Variants in CENPP observed in about 807,000 individuals in gnomAD.
CENPP encodes centromere protein P.
In CENPP, 24 loss-of-function variants were observed where a neutral mutation model predicts 35.6. The observed-to-expected ratio is 0.67, with a 90% CI of 0.49 to 0.95. The LOEUF (loss-of-function observed/expected upper bound fraction) is 0.95, where lower values mean the gene tolerates loss of function less well. Ranked by LOEUF, CENPP falls within the 40% of genes least tolerant of loss-of-function variation. CENPP has a pLI of 0.00. For synonymous variants in CENPP, 120 were observed against 125.5 expected, an observed-to-expected ratio of 0.96 and a Z score of 0.29; for missense variants, 332 against 345.3, an observed-to-expected ratio of 0.96 and a Z score of 0.31.
chr9:92,549,865 C>A (rs958095155), intron 5 of CENPP, among the ~76,000 whole-genome samples: 1 of 152,128 alleles, frequency 6.6e-6, no homozygotes, highest in Non-Finnish European at 1.5e-5. Context: ...TGTTCAGGAG[C>A]CAGGCTTAGT....
At chr9:92,363,815 T>G (rs1841821292) in intron 4 of CENPP, among the ~76,000 whole-genome samples, 1 of 152,208 alleles carries the variant, frequency 6.6e-6, no homozygotes, top group Non-Finnish European at 1.5e-5. Context: ...ACAAAGTTAT[T>G]CATTTGCTCA....
At chr9:92,397,362 C>G (rs576074018) in intron 5 of CENPP, among the ~76,000 whole-genome samples, 3 of 152,252 alleles carry the variant, frequency 2.0e-5, no homozygotes, top group African/African-American at 7.2e-5. Context: ...GAGTCTCGCC[C>G]TGTCACCCAG....
chr9:92,517,571 T>G, intron 5 of CENPP: 1 of 1,392,050 alleles, frequency 7.2e-7, no homozygotes, highest in South Asian at 1.3e-5. Context: ...TGCCAATATT[T>G]TAAGTACTCA....
rs113289281 is a variant in CENPP at position 92,331,426 on chromosome 9, C to T, written c.108-744C>T. Among the ~76,000 whole-genome samples, 763 of 151,418 alleles carry T rather than the reference C, an allele frequency of 5.0e-3. 6 individuals carry two copies. Among genetic ancestry groups the T allele is most frequent in the African/African-American group, 0.016 (667 of 41,246 alleles). Reference sequence around the variant, plus strand: ...TGATCTCCTGACCGCGTGATCCACCCGCCTTGGCTTCCCAAAGTGCTGGGA... The same window carrying T: ...TGATCTCCTGACCGCGTGATCCACCTGCCTTGGCTTCCCAAAGTGCTGGGA... On this transcript the variant is annotated intron_variant, in intron 1 of 7. Coordinates refer to ENST00000375587, the MANE Select transcript of CENPP (RefSeq NM_001012267.3).
At chr9:92,423,534 T>C (rs958574779) in intron 5 of CENPP, among the ~76,000 whole-genome samples, 6 of 152,100 alleles carry the variant, frequency 3.9e-5, no homozygotes, top group African/African-American at 1.2e-4. Context: ...ATTTAGATTT[T>C]TCCAAAAAAG....
At chr9:92,333,876 G>A (rs1486418101) in intron 2 of CENPP, among the ~76,000 whole-genome samples, 1 of 152,098 alleles carries the variant, frequency 6.6e-6, no homozygotes, top group Non-Finnish European at 1.5e-5. Flanking sequence ...AATGAATGTA[G>A]CTGAAGCTAG....
chr9:92,376,452 G>A (rs1346167741), intron 4 of CENPP, among the ~76,000 whole-genome samples: 1 of 152,176 alleles, frequency 6.6e-6, no homozygotes, highest in Non-Finnish European at 1.5e-5. Context: ...CCACTGTGAG[G>A]TTAAGAGTGG....
At chr9:92,464,933 G>C in intron 5 of CENPP, 1 of 1,607,656 alleles carries the variant, frequency 6.2e-7, no homozygotes, top group African/African-American at 1.3e-5. Flanking sequence ...AGGAACTGAG[G>C]TCAGTTTTGC....
chr9:92,332,239 G>C lies in CENPP; in HGVS notation c.177G>C (p.Gln59His), dbSNP rs754691947. Reference sequence around the variant, plus strand: ...AGTCTTCAAAAGATCTGAAAAATCAGCTTGGACATTTAGAATCAGAACTTT... The same window carrying C: ...AGTCTTCAAAAGATCTGAAAAATCACCTTGGACATTTAGAATCAGAACTTT... ...GWKSSKDLKN[Q>H]LGHLESELSF... The change falls in exon 2 of 8, where the codon CAG (glutamine) becomes CAC (histidine). Residue 59 changes from glutamine (Q) to histidine (H), a missense_variant. Physicochemically the swap from Gln to His is conservative, Grantham distance 24. Transcript: ENST00000375587. 3 of 1,612,966 alleles carry C rather than the reference G, an allele frequency of 1.9e-6. No individual in the cohort carries two copies. The highest frequency in any genetic ancestry group is 2.5e-6 in the Non-Finnish European group (3 of 1,179,468).
intron 5 of CENPP, among the ~76,000 whole-genome samples, chr9:92,488,073 A>G (rs1473569855): frequency 6.6e-6 from 1 of 152,226 alleles, no homozygotes; most frequent in African/African-American, 2.4e-5. Context: ...ATGACATTAG[A>G]TAAAGTTTAG....
At chr9:92,477,706 C>A (rs1845760740) in intron 5 of CENPP, among the ~76,000 whole-genome samples, 1 of 152,162 alleles carries the variant, frequency 6.6e-6, no homozygotes, top group Non-Finnish European at 1.5e-5. Flanking sequence ...TCCTCCCCAT[C>A]CTCTTCTCTC....
intron 5 of CENPP, among the ~76,000 whole-genome samples, chr9:92,597,433 AAATTAT>A (rs1850809803): frequency 6.6e-6 from 1 of 152,236 alleles, no homozygotes; most frequent in Non-Finnish European, 1.5e-5. Flanking sequence ...TCATAACTTT[AAATTAT>A]AATTAGTTTC....
At chr9:92,495,230 C>T (rs72754425) in intron 5 of CENPP, 24,414 of 602,068 alleles carry the variant, frequency 0.041, 585 homozygotes, top group South Asian at 0.083. Context: ...CTAGCCAAGA[C>T]ATAAAACTGA....
intron 5 of CENPP, among the ~76,000 whole-genome samples, chr9:92,572,287 G>A (rs1850163125): frequency 6.6e-6 from 1 of 152,160 alleles, no homozygotes; most frequent in Non-Finnish European, 1.5e-5. Context: ...AGGCCTGGCA[G>A]TGACAAAATC....
chr9:92,531,246 A>G (rs1228015914), intron 5 of CENPP, among the ~76,000 whole-genome samples: 2 of 151,534 alleles, frequency 1.3e-5, no homozygotes, highest in Non-Finnish European at 2.9e-5. Flanking sequence ...TTATTATTTC[A>G]TTAGTAATTA....
At chr9:92,458,636 A>C (rs966707212) in intron 5 of CENPP, among the ~76,000 whole-genome samples, 4 of 152,184 alleles carry the variant, frequency 2.6e-5, no homozygotes, top group Admixed American at 1.3e-4. Flanking sequence ...CTATTCATTT[A>C]ATTAATGCTA....
chr9:92,328,246 T>A (rs1840630979), intron 1 of CENPP, among the ~76,000 whole-genome samples: 1 of 152,224 alleles, frequency 6.6e-6, no homozygotes, highest in South Asian at 2.1e-4. Context: ...GGTGTTTGGA[T>A]TTAACCGTGA....
chr9:92,448,013 G>C (rs1313622556), intron 5 of CENPP, among the ~76,000 whole-genome samples: 1 of 152,168 alleles, frequency 6.6e-6, no homozygotes, highest in African/African-American at 2.4e-5. Flanking sequence ...GATTACAATG[G>C]ATGAAATTTT....
At chr9:92,495,902 G>A in intron 5 of CENPP, 1 of 984,366 alleles carries the variant, frequency 1.0e-6, no homozygotes, top group South Asian at 4.7e-5. Context: ...AATTCTGCCT[G>A]CTTTTTTTGT....
Sources: allele counts gnomAD v4.1 joint callset (sites outside exome capture counted in the v4.1 genomes callset), GRCh38; gene constraint gnomAD v4.1.1; transcripts MANE v1.5; gene names NCBI Gene and HGNC (gene_info 2026-07-23, HGNC 2026-07-21).